The following KIF5C variants were observed in gnomAD, a reference collection of about 807,000 sequenced individuals.
The protein encoded by KIF5C is kinesin family member 5C, also known as kinesin heavy chain isoform 5C.
KIF5C carries 18 observed loss-of-function variants against 125.2 expected under a neutral mutation model. The ratio of observed to expected loss-of-function variants is 0.14; its 90% CI spans 0.10 to 0.21. The LOEUF (loss-of-function observed/expected upper bound fraction) is 0.21, where lower values mean the gene tolerates loss of function less well. KIF5C is among the 10% of genes least tolerant of loss of function. The pLI is 1.00. For synonymous variants in KIF5C, 405 were observed against 434.0 expected (o/e 0.93, Z 0.83); for missense variants, 780 against 1,183.8 (o/e 0.66, Z 5.01).
intron 1 of KIF5C, among the ~76,000 whole-genome samples, chr2:148,895,879 C>CAG (rs956575716): frequency 7.8e-5 from 11 of 141,214 alleles, no homozygotes; most frequent in South Asian, 4.5e-4. Flanking sequence ...CACACACCCA[C>CAG]AGAGATCTGG....
At position 149,023,157 on chromosome 2, in the gene KIF5C, T is replaced by G. The variant is rs1392966635; in HGVS notation, c.*87T>G. 2 of 152,236 alleles carry G rather than the reference T, an allele frequency of 1.3e-5. No homozygotes were observed. Among genetic ancestry groups the G allele is most frequent in the Non-Finnish European group, 2.9e-5 (2 of 68,050 alleles). 9.4% of individuals were successfully genotyped at this position (152,236 alleles called of 1,614,324 possible). The stretch of plus-strand genomic sequence containing the variant: ...TTCCCCCCCTACAGTTTCCATTTTT[T>G]TTTTATACTTGCTTACTCCAGCCAT... On this transcript the variant is annotated 3_prime_UTR_variant, in exon 26 of 26. Coordinates refer to ENST00000435030, the MANE Select transcript of KIF5C (RefSeq NM_004522.3).
chr2:148,985,506 C>A (rs980838083), intron 15 of KIF5C, among the ~76,000 whole-genome samples: 1 of 152,116 alleles, frequency 6.6e-6, no homozygotes, highest in Non-Finnish European at 1.5e-5. Flanking sequence ...GCCAATACCA[C>A]AATGTTTTGA....
intron 11 of KIF5C, among the ~76,000 whole-genome samples, chr2:148,972,570 T>C (rs896697421): frequency 1.6e-4 from 25 of 152,236 alleles, no homozygotes; most frequent in Admixed American, 9.8e-4. Context: ...GATTGACAAA[T>C]TTGGCAATTC....
intron 3 of KIF5C, among the ~76,000 whole-genome samples, chr2:148,933,986 CACCCTTCCACAT>C (rs1682231957): frequency 6.6e-6 from 1 of 151,538 alleles, no homozygotes; most frequent in Non-Finnish European, 1.5e-5. Flanking sequence ...ACATACCACA[CACCCTTCCACAT>C]ACATCAGACA....
chr2:148,895,916 T>C (rs1045627628), intron 1 of KIF5C, among the ~76,000 whole-genome samples: 3 of 151,974 alleles, frequency 2.0e-5, no homozygotes, highest in Non-Finnish European at 2.9e-5. Context: ...TATAAGGACA[T>C]ATGAATCCTA....
At chr2:148,954,643 A>G (rs1257481760) in intron 10 of KIF5C, among the ~76,000 whole-genome samples, 1 of 152,172 alleles carries the variant, frequency 6.6e-6, no homozygotes, top group Non-Finnish European at 1.5e-5. Context: ...CTTTGTTTGT[A>G]TGTTGAATGT....
chr2:148,875,575 G>GCCCCCCC lies in KIF5C; in HGVS notation c.-37_-36insCCCCCCC. ...TCCTCCCTCGTCGTTCCCGGCCCCG[G>GCCCCCCC]CCCCCCACCCATCCCCGTGCCCCCT... On this transcript the variant is annotated 5_prime_UTR_variant, in exon 1 of 26. Transcript: ENST00000435030. 1.4e-5 allele frequency: 10 copies of GCCCCCCC among 699,578 alleles called. No individual in the cohort carries two copies. The highest frequency in any genetic ancestry group is 4.7e-5 in the South Asian group (3 of 64,500). 43.3% of individuals were successfully genotyped at this position (699,578 alleles called of 1,614,324 possible).
intron 21 of KIF5C, 136 bp from the exon 22 acceptor site, chr2:149,005,257 G>A (rs1219249102): frequency 3.6e-6 from 5 of 1,382,032 alleles, no homozygotes; most frequent in Non-Finnish European, 3.9e-6. Context: ...GTCAGGGTGG[G>A]GGTGTCACAG....
At chr2:148,940,312 G>C (rs1307106417) in intron 4 of KIF5C, among the ~76,000 whole-genome samples, 2 of 152,194 alleles carry the variant, frequency 1.3e-5, no homozygotes, top group African/African-American at 4.8e-5. Context: ...GTGTGTCCAT[G>C]AGAGATGGGC....
chr2:148,923,981 GC>G (rs1161698953), intron 2 of KIF5C, among the ~76,000 whole-genome samples: 1 of 152,192 alleles, frequency 6.6e-6, no homozygotes, highest in South Asian at 2.1e-4. Flanking sequence ...AAACCATCTA[GC>G]AGAATAAAAT....
At chr2:148,963,544 C>T (rs888736207) in intron 11 of KIF5C, among the ~76,000 whole-genome samples, 2 of 152,236 alleles carry the variant, frequency 1.3e-5, no homozygotes, top group African/African-American at 2.4e-5. Context: ...TAGCAGCACA[C>T]GTGTTTGGAA....
At chr2:148,981,644 A>G in intron 14 of KIF5C, 83 bp downstream of exon 14, 7 of 1,470,002 alleles carry the variant, frequency 4.8e-6, no homozygotes, top group Middle Eastern at 2.5e-4. Context: ...CAGACATGGT[A>G]TAAGGAGGCA....
At chr2:149,009,153 C>T (rs1334136684) in intron 23 of KIF5C, among the ~76,000 whole-genome samples, 1 of 151,296 alleles carries the variant, frequency 6.6e-6, no homozygotes, top group East Asian at 1.9e-4. Context: ...CCACTCCTGG[C>T]TAATTTTTTT....
chr2:148,911,983 T>G lies in KIF5C; in HGVS notation c.127-10154T>G, dbSNP rs115503583. 1.9e-3 allele frequency among the ~76,000 whole-genome samples: 285 copies of G among 152,296 alleles called. 1 individual carries two copies. The highest frequency in any genetic ancestry group is 6.6e-3 in the African/African-American group (274 of 41,572). On this transcript the variant is annotated intron_variant, in intron 1 of 25. Transcript: ENST00000435030. ...CCCTTCCCTTCCTCCTGCCCCTCCC[T>G]CTTTCCTCCCCATCCCAACTTCACT... is the stretch of plus-strand genomic sequence containing the variant.
At chr2:148,920,257 A>G (rs1681730005) in intron 1 of KIF5C, among the ~76,000 whole-genome samples, 1 of 152,252 alleles carries the variant, frequency 6.6e-6, no homozygotes, top group Non-Finnish European at 1.5e-5. Context: ...TTTTAAATTA[A>G]GCAAAGCTAC....
At chr2:148,966,351 T>C (rs1558922107) in intron 11 of KIF5C, among the ~76,000 whole-genome samples, 3 of 149,490 alleles carry the variant, frequency 2.0e-5, no homozygotes, top group South Asian at 2.1e-4. Flanking sequence ...TGTGTGTGTG[T>C]GTGCGCGCGC....
intron 10 of KIF5C, among the ~76,000 whole-genome samples, chr2:148,956,037 C>T (rs1313279319): frequency 2.0e-5 from 3 of 152,146 alleles, no homozygotes; most frequent in Non-Finnish European, 4.4e-5. Flanking sequence ...TGACTGTGGC[C>T]AGGAAATATG....
At chr2:148,969,756 G>A (rs1049999855) in intron 11 of KIF5C, among the ~76,000 whole-genome samples, 2 of 152,100 alleles carry the variant, frequency 1.3e-5, no homozygotes, top group African/African-American at 2.4e-5. Context: ...GCAGTGCAGG[G>A]AATATTCTCC....
Position 148,985,305 on chromosome 2 carries a change from A to G in KIF5C, c.1716+1539A>G, listed in dbSNP as rs1039993241. 5.3e-5 allele frequency among the ~76,000 whole-genome samples: 8 copies of G among 152,344 alleles called. 1 individual carries two copies. Among genetic ancestry groups the G allele is most frequent in the Admixed American group, 4.6e-4 (7 of 15,302 alleles). ...GTAGAGACATTTTTAAAACAAAACA[A>G]AAAGCTTTATTGAGGTATAATTTAC... On this transcript the variant is annotated intron_variant, in intron 15 of 25. Coordinates refer to ENST00000435030, the MANE Select transcript of KIF5C (RefSeq NM_004522.3).
Sources: gnomAD v4.1 joint callset for allele counts (sites outside exome capture counted in the v4.1 genomes callset) on GRCh38, gnomAD v4.1.1 for gene constraint, MANE v1.5 for transcripts, NCBI Gene and HGNC (gene_info 2026-07-23, HGNC 2026-07-21) for gene names.